Variants in SPTSSA observed in about 807,000 individuals in gnomAD.
SPTSSA encodes the protein small subunit of serine palmitoyltransferase A.
Under a neutral mutation model 9.1 loss-of-function variants are expected in SPTSSA, and 8 were observed. That is an observed-to-expected ratio of 0.88 (90% CI 0.51 to 1.58). The LOEUF (loss-of-function observed/expected upper bound fraction) is 1.58. Ranked by LOEUF, SPTSSA falls within the 40% of genes most tolerant of loss-of-function variation. The pLI is 0.00. For missense variants in SPTSSA, 100 were observed against 93.8 expected (o/e 1.07, Z -0.27); for synonymous variants, 42 against 37.7 (o/e 1.11, Z -0.41).
chr14:34,439,827 C>A (rs1883291428), intron 1 of SPTSSA, among the ~76,000 whole-genome samples: 1 of 152,188 alleles, frequency 6.6e-6, no homozygotes, highest in Admixed American at 6.5e-5. Context: ...ACAAATCAGT[C>A]CAACTCCAAG....
chr14:34,438,369 C>A (rs76463459), intron 1 of SPTSSA, among the ~76,000 whole-genome samples: 5 of 152,046 alleles, frequency 3.3e-5, no homozygotes, highest in African/African-American at 1.2e-4. Flanking sequence ...AATGCTCCAA[C>A]GGGCATTTCC....
At chr14:34,451,163 T>G (rs1363485071) in intron 1 of SPTSSA, among the ~76,000 whole-genome samples, 1 of 151,928 alleles carries the variant, frequency 6.6e-6, no homozygotes, top group African/African-American at 2.4e-5. Context: ...CCTGTTCCAA[T>G]CAGTAACTCT....
rs376742613 is a variant in SPTSSA, at chr14:34,443,134, G to GGTGTGTGTGT, written c.113-7840_113-7831dup. On this transcript the variant is annotated intron_variant, in intron 1 of 1. Coordinates refer to ENST00000298130, the MANE Select transcript of SPTSSA (RefSeq NM_138288.4). The stretch of plus-strand genomic sequence containing the variant: ...TTCAAGCGATTCTCCTGCTTCTAGG[G>GGTGTGTGTGT]GTGTGTGTGTGTGTGTGTGTGTGTG... 5.9e-3 allele frequency among the ~76,000 whole-genome samples: 218 copies of GGTGTGTGTGT among 36,960 alleles called. 22 individuals are homozygous for GGTGTGTGTGT. The highest frequency in any genetic ancestry group is 0.026 in the Middle Eastern group (1 of 38). The allele number at this position is 36,960 out of a possible 152,430, so 24.2% of individuals were successfully genotyped here. A position where few individuals can be genotyped will look rare whatever the true frequency, so the allele number is the denominator to read the frequency against.
intron 1 of SPTSSA, among the ~76,000 whole-genome samples, chr14:34,448,576 A>G (rs1048667375): frequency 1.2e-4 from 19 of 152,214 alleles, no homozygotes; most frequent in Non-Finnish European, 1.8e-4. Context: ...GGCATACCCC[A>G]AGTAACCAAT....
intron 1 of SPTSSA, among the ~76,000 whole-genome samples, chr14:34,437,018 C>T (rs1445108837): frequency 6.6e-6 from 1 of 152,154 alleles, no homozygotes; most frequent in African/African-American, 2.4e-5. Context: ...CACCAACACA[C>T]CATCTGATTC....
At chr14:34,459,738 G>A (rs1878580448) in intron 1 of SPTSSA, among the ~76,000 whole-genome samples, 2 of 152,074 alleles carry the variant, frequency 1.3e-5, no homozygotes, top group Admixed American at 6.6e-5. Context: ...CCAAGATGGC[G>A]ACATTACACT....
chr14:34,459,708 G>A (rs957765921), intron 1 of SPTSSA, among the ~76,000 whole-genome samples: 2 of 151,970 alleles, frequency 1.3e-5, no homozygotes. Context: ...TTGAACCTGG[G>A]AGGCGGAGGT....
chr14:34,439,540 C>T (rs529084782), intron 1 of SPTSSA, among the ~76,000 whole-genome samples: 4 of 152,090 alleles, frequency 2.6e-5, no homozygotes, highest in Non-Finnish European at 5.9e-5. Context: ...AGACCAACCA[C>T]GACTACCATG....
Position 34,462,145 on chromosome 14 carries a change from C to A in SPTSSA, c.63G>T (p.Leu21=). The change falls in exon 1 of 2, where the codon CTG becomes CTT. Residue 21 remains leucine, a synonymous_variant. Coordinates refer to ENST00000298130, the MANE Select transcript of SPTSSA (RefSeq NM_138288.4). The part of the protein sequence containing the change: ...KQMSWFYYQY[L]LVTALYMLEP... ...CCAGCATGTAGAGCGCCGTGACCAG[C>A]AGGTACTGGTAGTAGAACCAGGACA... The A allele has an allele frequency of 6.5e-7, 1 of 1,533,730 alleles. No individual in the cohort carries two copies. Among genetic ancestry groups the A allele is most frequent in the Non-Finnish European group, 8.8e-7 (1 of 1,136,222 alleles).
intron 1 of SPTSSA, among the ~76,000 whole-genome samples, chr14:34,442,787 T>C (rs1170496443): frequency 2.0e-5 from 3 of 152,198 alleles, no homozygotes; most frequent in African/African-American, 7.2e-5. Flanking sequence ...GTTTGGCCTT[T>C]AAAACTCAAA....
chr14:34,440,488 A>G (rs1883298955), intron 1 of SPTSSA, among the ~76,000 whole-genome samples: 1 of 152,232 alleles, frequency 6.6e-6, no homozygotes, highest in Non-Finnish European at 1.5e-5. Context: ...TGTATGTTAC[A>G]TAGTCTTTAT....
intron 1 of SPTSSA, among the ~76,000 whole-genome samples, chr14:34,437,543 T>C (rs1883258926): frequency 6.6e-6 from 1 of 152,202 alleles, no homozygotes; most frequent in African/African-American, 2.4e-5. Flanking sequence ...ACATCAAAAC[T>C]GATTAATCAG....
chr14:34,451,847 A>G (rs1883533410), intron 1 of SPTSSA, among the ~76,000 whole-genome samples: 5 of 152,160 alleles, frequency 3.3e-5, no homozygotes, highest in Admixed American at 3.3e-4. Context: ...GTATTATCAT[A>G]TGCTGTTTAC....
chr14:34,459,155 G>C lies in SPTSSA; in HGVS notation c.112+2941C>G, dbSNP rs1878558186. Among the ~76,000 whole-genome samples the C allele has an allele frequency of 2.0e-5, 3 of 152,204 alleles. No individual in the cohort carries two copies. The South Asian group carries it at 6.2e-4, about 32-fold the overall frequency. On this transcript the variant is annotated intron_variant, in intron 1 of 1. Transcript: ENST00000298130. Reference sequence around the variant, plus strand: ...CTCTTTAAGAAATTAATCTGGGCCAGGCGCGGTGGCTCACACCTGTAATCC... The same window carrying C: ...CTCTTTAAGAAATTAATCTGGGCCACGCGCGGTGGCTCACACCTGTAATCC...
intron 1 of SPTSSA, among the ~76,000 whole-genome samples, chr14:34,453,560 T>A (rs931639367): frequency 6.6e-6 from 1 of 152,248 alleles, no homozygotes; most frequent in African/African-American, 2.4e-5. Flanking sequence ...GCTGCCTGCC[T>A]GTCTGGGACA....
chr14:34,438,916 T>C (rs182050802), intron 1 of SPTSSA, among the ~76,000 whole-genome samples: 4 of 152,306 alleles, frequency 2.6e-5, no homozygotes, highest in Admixed American at 6.5e-5. Context: ...ACAGCACTTA[T>C]AGGATTCTAA....
At chr14:34,439,864 T>C (rs1236578378) in intron 1 of SPTSSA, among the ~76,000 whole-genome samples, 6 of 152,220 alleles carry the variant, frequency 3.9e-5, no homozygotes, top group South Asian at 4.1e-4. Context: ...CACTGTACTA[T>C]ATACTTTCCT....
At chr14:34,437,229 G>A (rs1349140076) in intron 1 of SPTSSA, among the ~76,000 whole-genome samples, 1 of 152,210 alleles carries the variant, frequency 6.6e-6, no homozygotes, top group Non-Finnish European at 1.5e-5. Flanking sequence ...GCCAGACCCT[G>A]TCTCAAAAAA....
intron 1 of SPTSSA, among the ~76,000 whole-genome samples, 169 bp downstream of exon 1, chr14:34,461,927 C>T (rs1323788209): frequency 6.7e-6 from 1 of 149,808 alleles, no homozygotes; most frequent in Non-Finnish European, 1.5e-5. Flanking sequence ...CTTAACCCCG[C>T]GAGCGCCGCC....
Sources: gnomAD v4.1 joint callset for allele counts (sites outside exome capture counted in the v4.1 genomes callset) on GRCh38, gnomAD v4.1.1 for gene constraint, MANE v1.5 for transcripts, NCBI Gene and HGNC (gene_info 2026-07-23, HGNC 2026-07-21) for gene names.